The following CSMD1 variants were observed in gnomAD, a reference collection of about 807,000 sequenced individuals.
CSMD1 encodes CUB and Sushi multiple domains 1.
Under a neutral mutation model 417.5 loss-of-function variants are expected in CSMD1, and 213 were observed. The observed-to-expected ratio is 0.51, with a 90% CI of 0.46 to 0.57. The LOEUF is 0.57. CSMD1 is among the 20% of genes least tolerant of loss of function. CSMD1 has a pLI of 0.00. For missense variants in CSMD1, 6,923 were observed against 4,529.7 expected (o/e 1.53, Z -15.17); for synonymous variants, 2,862 against 1,736.8 (o/e 1.65, Z -16.11).
intron 5 of CSMD1, among the ~76,000 whole-genome samples, chr8:3,994,596 C>T (rs1025739831): frequency 6.6e-6 from 1 of 151,888 alleles, no homozygotes; most frequent in Non-Finnish European, 1.5e-5. Flanking sequence ...AGGAAGCCAA[C>T]CTGCATGAAA....
At chr8:4,102,131 C>T (rs1019854683) in intron 3 of CSMD1, among the ~76,000 whole-genome samples, 1 of 152,118 alleles carries the variant, frequency 6.6e-6, no homozygotes, top group African/African-American at 2.4e-5. Context: ...TATATAAAAA[C>T]AAAAACAACC....
At chr8:3,444,723 A>G (rs1815195893) in intron 12 of CSMD1, among the ~76,000 whole-genome samples, 1 of 152,214 alleles carries the variant, frequency 6.6e-6, no homozygotes, top group Non-Finnish European at 1.5e-5. Context: ...TGAATGTAAT[A>G]TATAAATGTA....
chr8:4,166,497 A>T (rs551736071), intron 3 of CSMD1, among the ~76,000 whole-genome samples: 12 of 152,348 alleles, frequency 7.9e-5, no homozygotes, highest in Admixed American at 2.6e-4. Flanking sequence ...AAGTTAAGTA[A>T]CTCAGGAATG....
intron 2 of CSMD1, among the ~76,000 whole-genome samples, chr8:4,570,173 A>C (rs977655499): frequency 6.6e-6 from 1 of 152,158 alleles, no homozygotes; most frequent in South Asian, 2.1e-4. Context: ...TTCCAACACT[A>C]CGTTGAATAG....
rs1252691533 is a variant in CSMD1, at chr8:3,969,249, C to T, written c.818+28654G>A. ...TGGGTGACAGAGTGAGACTCTGTCT[C>T]GATAAATAAAGATAAAAAGAGTGGC... On this transcript the variant is annotated intron_variant, in intron 5 of 69. Transcript: ENST00000635120. 4.6e-5 allele frequency among the ~76,000 whole-genome samples: 7 copies of T among 151,902 alleles called. No individual in the cohort carries two copies. The East Asian group carries it at 1.4e-3, about 29-fold the overall frequency.
chr8:3,930,276 T>C (rs1224919269), intron 5 of CSMD1, among the ~76,000 whole-genome samples: 1 of 150,436 alleles, frequency 6.6e-6, no homozygotes. Flanking sequence ...GAATAAATAG[T>C]AACTTCTCTT....
At chr8:4,439,182 C>G (rs1327834231) in intron 2 of CSMD1, among the ~76,000 whole-genome samples, 2 of 151,948 alleles carry the variant, frequency 1.3e-5, no homozygotes, top group South Asian at 2.1e-4. Context: ...AGTAAATGAG[C>G]CATTTTATTA....
intron 23 of CSMD1, among the ~76,000 whole-genome samples, chr8:3,310,374 G>C (rs1398921505): frequency 1.3e-5 from 2 of 152,186 alleles, no homozygotes; most frequent in African/African-American, 2.4e-5. Flanking sequence ...GACAGCATCT[G>C]AACAAGTCTT....
chr8:4,034,097 G>A (rs1048873306), intron 3 of CSMD1, among the ~76,000 whole-genome samples: 13 of 152,124 alleles, frequency 8.5e-5, no homozygotes, highest in African/African-American at 2.4e-4. Flanking sequence ...GTATTTTAAT[G>A]TATTGATATA....
intron 3 of CSMD1, among the ~76,000 whole-genome samples, chr8:4,195,313 A>G (rs1245981086): frequency 6.6e-6 from 1 of 152,186 alleles, no homozygotes; most frequent in Non-Finnish European, 1.5e-5. Context: ...AATAGGCAGA[A>G]AAGGCAAATT....
At chr8:4,966,423 G>A (rs940581030) in intron 1 of CSMD1, among the ~76,000 whole-genome samples, 2 of 152,056 alleles carry the variant, frequency 1.3e-5, no homozygotes, top group South Asian at 2.1e-4. Flanking sequence ...ACTATCTCCC[G>A]GTATTTGGAA....
chr8:3,297,951 A>T (rs143495868), intron 25 of CSMD1, among the ~76,000 whole-genome samples: 3 of 152,330 alleles, frequency 2.0e-5, no homozygotes, highest in African/African-American at 7.2e-5. Flanking sequence ...TCAACTGGCA[A>T]TTAGTAAAAG....
intron 1 of CSMD1, among the ~76,000 whole-genome samples, chr8:4,811,872 C>T (rs151041125): frequency 1.3e-5 from 2 of 152,044 alleles, no homozygotes; most frequent in Admixed American, 1.3e-4. Context: ...CCACAGCTGC[C>T]TCAAATCATA....
intron 3 of CSMD1, among the ~76,000 whole-genome samples, chr8:4,181,942 G>C (rs917480174): frequency 3.0e-5 from 3 of 99,910 alleles, no homozygotes; most frequent in Non-Finnish European, 6.1e-5. Context: ...AGGTGATTCT[G>C]TTTGTCTGTG....
At chr8:3,949,384 C>T (rs11779218) in intron 5 of CSMD1, among the ~76,000 whole-genome samples, 35,376 of 152,110 alleles carry the variant, frequency 0.23, 4,576 homozygotes, top group East Asian at 0.35. Flanking sequence ...GAAACAACCA[C>T]TTTACTTCTC....
chr8:3,864,598 C>G (rs887457711), intron 5 of CSMD1, among the ~76,000 whole-genome samples: 4 of 152,112 alleles, frequency 2.6e-5, no homozygotes, highest in East Asian at 1.9e-4. Context: ...AGGTATATCT[C>G]CTAGTGTTAT....
At chr8:4,143,321 G>C (rs922870292) in intron 3 of CSMD1, among the ~76,000 whole-genome samples, 6 of 147,730 alleles carry the variant, frequency 4.1e-5, no homozygotes, top group South Asian at 2.1e-4. Flanking sequence ...TTTATTTCCA[G>C]TTCTTCAAAT....
chr8:3,197,731 T>A (rs1215500820), intron 33 of CSMD1, among the ~76,000 whole-genome samples: 3 of 152,186 alleles, frequency 2.0e-5, no homozygotes, highest in African/African-American at 7.2e-5. Context: ...CCCAAAGTGC[T>A]GGGATTACAG....
chr8:3,650,888 A>G (rs1342357644), intron 7 of CSMD1, among the ~76,000 whole-genome samples: 1 of 152,124 alleles, frequency 6.6e-6, no homozygotes, highest in Non-Finnish European at 1.5e-5. Context: ...TCTCTTCTGG[A>G]ATATCGAACG....
Sources: allele counts gnomAD v4.1 joint callset (sites outside exome capture counted in the v4.1 genomes callset), GRCh38; gene constraint gnomAD v4.1.1; transcripts MANE v1.5; gene names NCBI Gene and HGNC (gene_info 2026-07-23, HGNC 2026-07-21).